CSE1L: variants seen among roughly 807,000 people sequenced by gnomAD.
The protein encoded by CSE1L is chromosome segregation 1 like, also known as exportin-2.
A neutral mutation model predicts 120.4 loss-of-function variants in CSE1L; 24 were observed. That is an observed-to-expected ratio of 0.20 (90% CI 0.14 to 0.28). CSE1L has a LOEUF of 0.28. CSE1L is among the 10% of genes least tolerant of loss of function. The probability of loss-of-function intolerance (pLI) is 1.00; values close to 1 mark genes in which losing one functional copy is unlikely to be tolerated. For missense variants in CSE1L, 830 were observed against 1,145.2 expected, an observed-to-expected ratio of 0.72 and a Z score of 3.97; for synonymous variants, 402 against 398.3, an observed-to-expected ratio of 1.01 and a Z score of -0.11.
chr20:49,066,460 T>G lies in CSE1L; in HGVS notation c.426T>G (p.Asp142Glu), dbSNP rs1169788903. ...TEMVNRFQSG[D>E]FHVINGVLRT... Reference sequence around the variant, plus strand: ...TGGTGAATCGCTTTCAGAGTGGAGATTTCCATGTTATTAATGGAGTCCTCC... The same window carrying G: ...TGGTGAATCGCTTTCAGAGTGGAGAGTTCCATGTTATTAATGGAGTCCTCC... The change falls in exon 5 of 25, where the codon GAT (aspartate) becomes GAG (glutamate). Residue 142 changes from aspartate (D) to glutamate (E), a missense_variant. Physicochemically the swap from Asp to Glu is conservative, Grantham distance 45. This residue lies in a region of CSE1L where 543 missense variants were observed against 640.2 expected (regional missense o/e 0.85). Coordinates refer to ENST00000262982, the MANE Select transcript of CSE1L (RefSeq NM_001316.4). The G allele has an allele frequency of 6.2e-7, 1 of 1,614,154 alleles. No homozygotes were observed. The highest frequency in any genetic ancestry group is 1.3e-5 in the African/African-American group (1 of 75,066).
At position 49,089,185 on chromosome 20, in the gene CSE1L, G is replaced by T. The variant is rs189721948; in HGVS notation, c.1822-62G>T. 1.1e-4 allele frequency: 139 copies of T among 1,306,928 alleles called. No homozygotes were observed. The African/African-American group carries it at 1.9e-3, about 18-fold the overall frequency. 81.0% of individuals were successfully genotyped at this position (1,306,928 alleles called of 1,614,324 possible). On this transcript the variant is annotated intron_variant, in intron 17 of 24. Coordinates refer to ENST00000262982, the MANE Select transcript of CSE1L (RefSeq NM_001316.4). ...AAATAAGATGGCCTCTATTTTAAATGTGTTTTATAAAGGTTAGGTGTGGAT... is the reference window on the plus strand; with the variant it reads ...AAATAAGATGGCCTCTATTTTAAATTTGTTTTATAAAGGTTAGGTGTGGAT...
At chr20:49,081,031 T>C (rs1388751900) in intron 14 of CSE1L, among the ~76,000 whole-genome samples, 2 of 151,602 alleles carry the variant, frequency 1.3e-5, no homozygotes, top group African/African-American at 4.9e-5. Context: ...TTGCCCAGGC[T>C]GGAGTACAGT....
At chr20:49,066,969 C>A (rs1425077441) in intron 5 of CSE1L, among the ~76,000 whole-genome samples, 1 of 136,836 alleles carries the variant, frequency 7.3e-6, no homozygotes, top group South Asian at 2.3e-4. Flanking sequence ...GAGGTGGAGG[C>A]TGCAGTGAGC....
At chr20:49,080,716 T>G (rs2426120) in intron 14 of CSE1L, among the ~76,000 whole-genome samples, 1 of 151,914 alleles carries the variant, frequency 6.6e-6, no homozygotes, top group African/African-American at 2.4e-5. Context: ...CCTCAGGCGA[T>G]CCGCCTGCCT....
chr20:49,061,983 A>G (rs561808832), intron 2 of CSE1L, among the ~76,000 whole-genome samples: 3 of 152,308 alleles, frequency 2.0e-5, no homozygotes, highest in East Asian at 1.9e-4. Flanking sequence ...GCGCAGAAAC[A>G]TATGCATGTG....
chr20:49,083,831 A>T (rs2145743286), intron 14 of CSE1L, among the ~76,000 whole-genome samples, 195 bp from the exon 15 acceptor site: 1 of 152,290 alleles, frequency 6.6e-6, no homozygotes, highest in South Asian at 2.1e-4. Context: ...TCTGAAAAGG[A>T]GAATTTAGAA....
At chr20:49,054,663 C>T (rs1194944282) in intron 1 of CSE1L, among the ~76,000 whole-genome samples, 1 of 152,154 alleles carries the variant, frequency 6.6e-6, no homozygotes, top group Non-Finnish European at 1.5e-5. Flanking sequence ...ATACATGTGA[C>T]ACTTCCCCCA....
At chr20:49,056,225 C>T (rs1280573469) in intron 1 of CSE1L, among the ~76,000 whole-genome samples, 1 of 152,034 alleles carries the variant, frequency 6.6e-6, no homozygotes, top group African/African-American at 2.4e-5. Context: ...CCTGCCTCAG[C>T]CACCCAAGTA....
intron 23 of CSE1L, 47 bp downstream of exon 23, chr20:49,094,333 A>C (rs754988079): frequency 1.3e-6 from 2 of 1,552,176 alleles, no homozygotes; most frequent in South Asian, 2.3e-5. Context: ...CTTCCTTCCC[A>C]TATGACTGCA....
intron 3 of CSE1L, among the ~76,000 whole-genome samples, chr20:49,065,620 A>G (rs570650587): frequency 2.5e-5 from 2 of 81,380 alleles, no homozygotes; most frequent in South Asian, 1.1e-3. Flanking sequence ...TTTGAGACAG[A>G]GTCACTCTTG....
At chr20:49,052,307 A>C (rs1420619140) in intron 1 of CSE1L, among the ~76,000 whole-genome samples, 3 of 152,254 alleles carry the variant, frequency 2.0e-5, no homozygotes. Context: ...AGGAGCTTGC[A>C]GTCTAGTGTG....
intron 2 of CSE1L, among the ~76,000 whole-genome samples, chr20:49,059,944 G>T (rs1330302837): frequency 6.6e-6 from 1 of 151,974 alleles, no homozygotes; most frequent in East Asian, 1.9e-4. Flanking sequence ...CAGTAATTTG[G>T]GAGGCCAAGG....
Position 49,066,205 on chromosome 20 carries a change from C to G in CSE1L, c.242C>G (p.Pro81Arg), listed in dbSNP as rs1361353137. ...CTTTGCTTTTAGGTTGAAGATGAAC[C>G]AAACAAAATTTGTGAAGCCGATCGA... is the stretch of plus-strand genomic sequence containing the variant. ...KRNWRIVEDE[P>R]NKICEADRVA... The change falls in exon 4 of 25, where the codon CCA (proline) becomes CGA (arginine). Residue 81 changes from proline to arginine, a missense_variant. Transcript: ENST00000262982. The G allele has an allele frequency of 1.2e-6, 2 of 1,613,916 alleles. No individual in the cohort carries two copies. Among genetic ancestry groups the G allele is most frequent in the Non-Finnish European group, 1.7e-6 (2 of 1,179,990 alleles).
At position 49,095,076 on chromosome 20, in the gene CSE1L, T is replaced by C. The variant is rs2092129652; in HGVS notation, c.2826+113T>C. 10 of 812,838 alleles carry C rather than the reference T, an allele frequency of 1.2e-5. No individual in the cohort carries two copies. In the South Asian group the frequency reaches 1.4e-4, roughly 11 times the overall value. The allele number at this position is 812,838 out of a possible 1,614,324, so 50.4% of individuals were successfully genotyped here. A position where few individuals can be genotyped will look rare whatever the true frequency, so the allele number is the denominator to read the frequency against. On this transcript the variant is annotated intron_variant, in intron 24 of 24. Coordinates refer to ENST00000262982, the MANE Select transcript of CSE1L (RefSeq NM_001316.4). The stretch of plus-strand genomic sequence containing the variant: ...TTGGTGGGCGTAATAAAACTAAATC[T>C]CATTGAGTTACAGCAAGCTTATTTT...
chr20:49,066,903 G>A (rs1439845550), intron 5 of CSE1L, among the ~76,000 whole-genome samples: 1 of 151,780 alleles, frequency 6.6e-6, no homozygotes, highest in East Asian at 1.9e-4. Flanking sequence ...ATGGTGGTAT[G>A]TGCCTGTCAT....
chr20:49,096,238 A>T (rs1338834251), intron 24 of CSE1L, 111 bp from the exon 25 acceptor site: 9 of 842,802 alleles, frequency 1.1e-5, no homozygotes, highest in Non-Finnish European at 1.8e-5. Context: ...GTGATTAATG[A>T]CTTGACTGGC....
At chr20:49,056,327 C>T (rs1258891942) in intron 1 of CSE1L, among the ~76,000 whole-genome samples, 1 of 152,160 alleles carries the variant, frequency 6.6e-6, no homozygotes, top group Non-Finnish European at 1.5e-5. Flanking sequence ...TGGTCTCAAA[C>T]TCCTGACCTC....
At chr20:49,070,085 G>A (rs1426742056) in intron 7 of CSE1L, 120 bp from the exon 8 acceptor site, 4 of 543,682 alleles carry the variant, frequency 7.4e-6, no homozygotes, top group Non-Finnish European at 9.8e-6. Flanking sequence ...TGTCAGAATA[G>A]GTAATGCTCA....
At chr20:49,077,149 TG>T in intron 13 of CSE1L, 85 bp downstream of exon 13, 22 of 741,084 alleles carry the variant, frequency 3.0e-5, no homozygotes, top group South Asian at 8.3e-5. Context: ...TGTTCCCTTT[TG>T]TTCTTTTTTT....
Sources: gnomAD v4.1 joint callset for allele counts (sites outside exome capture counted in the v4.1 genomes callset) on GRCh38, gnomAD v4.1.1 for gene constraint, gnomAD v4.1.1 regional missense constraint, MANE v1.5 for transcripts, NCBI Gene and HGNC (gene_info 2026-07-23, HGNC 2026-07-21) for gene names.